The following ROS1 variants were observed in gnomAD, a reference collection of about 807,000 sequenced individuals.
ROS1 encodes proto-oncogene tyrosine-protein kinase ROS.
In ROS1, 263 loss-of-function variants were observed where a neutral mutation model predicts 273.5. The observed-to-expected ratio is 0.96, with a 90% CI of 0.87 to 1.06. The LOEUF (loss-of-function observed/expected upper bound fraction) is 1.06. Ranked by LOEUF, ROS1 falls within the 50% of genes least tolerant of loss-of-function variation. ROS1 has a pLI of 0.00. For missense variants in ROS1, 2,833 were observed against 2,751.1 expected, an observed-to-expected ratio of 1.03 and a Z score of -0.67; for synonymous variants, 1,008 against 954.1, an observed-to-expected ratio of 1.06 and a Z score of -1.04.
intron 40 of ROS1, 129 bp downstream of exon 40, chr6:117,310,891 A>T (rs1775492441): frequency 1.7e-6 from 1 of 579,284 alleles, no homozygotes; most frequent in Non-Finnish European, 3.0e-6. Context: ...TATAAGAGAG[A>T]CTTTTAATAG....
At chr6:117,316,692 G>A (rs1775943499) in intron 39 of ROS1, among the ~76,000 whole-genome samples, 1 of 152,106 alleles carries the variant, frequency 6.6e-6, no homozygotes, top group Admixed American at 6.6e-5. Flanking sequence ...ACGAAATCAA[G>A]AGCTCCGTTT....
intron 33 of ROS1, chr6:117,328,505 G>A (rs1382963847): frequency 2.8e-6 from 1 of 359,486 alleles, no homozygotes. Flanking sequence ...AAGGGCCAAG[G>A]GAATTCTCTA....
Position 117,403,141 on chromosome 6 carries a change from C to A in ROS1, c.602G>T (p.Gly201Val). 1 of 1,613,934 alleles carries A rather than the reference C, an allele frequency of 6.2e-7. No homozygotes were observed. The highest frequency in any genetic ancestry group is 8.5e-7 in the Non-Finnish European group (1 of 1,179,946). The stretch of plus-strand genomic sequence containing the variant: ...TAAGAAATGTGTGCACACCATACCT[C>A]CATGAGGATGAGTCCTGTAACTGGG... ...PSPSYRTHPH[G>V]VPETAPLIRN... The change falls in exon 7 of 44, where the codon GGA becomes GTA. Residue 201 changes from glycine (G) to valine (V), a missense_variant and splice_region_variant. Transcript: ENST00000368507.
intron 33 of ROS1, 39 bp from the exon 34 acceptor site, chr6:117,326,453 T>C (rs753551408): frequency 6.6e-6 from 8 of 1,203,012 alleles, no homozygotes; most frequent in African/African-American, 6.3e-5. Context: ...TACATGACAA[T>C]ATACCTGTTA....
intron 29 of ROS1, 131 bp downstream of exon 29, chr6:117,342,269 T>C: frequency 1.2e-6 from 1 of 857,390 alleles, no homozygotes; most frequent in African/African-American, 1.7e-5. Context: ...ACAAACACAT[T>C]TTTCTTATTA....
At chr6:117,306,892 A>G (rs555619036) in intron 42 of ROS1, among the ~76,000 whole-genome samples, 5 of 152,194 alleles carry the variant, frequency 3.3e-5, no homozygotes, top group African/African-American at 1.2e-4. Flanking sequence ...GGCTTGTTAG[A>G]GTCCTGCAGC....
intron 27 of ROS1, among the ~76,000 whole-genome samples, chr6:117,350,182 TAAC>T (rs1447978122): frequency 1.3e-5 from 2 of 152,128 alleles, no homozygotes; most frequent in East Asian, 3.8e-4. Flanking sequence ...GGTCTACTGA[TAAC>T]AAATTCTCTC....
chr6:117,398,351 A>T, intron 7 of ROS1, among the ~76,000 whole-genome samples: 1 of 152,258 alleles, frequency 6.6e-6, no homozygotes, highest in East Asian at 1.9e-4. Flanking sequence ...TTGTTAAGAA[A>T]TTATTTTCTG....
chr6:117,308,889 A>G lies in ROS1; in HGVS notation c.6456T>C (p.Gly2152=), dbSNP rs2128546272. ...GILIWEILTL[G]HQPYPAHSNL... ...TGGAATGAGCTGGATAAGGCTGATGACCAAGAGTTAAAATCTCCCAAATCA... is the reference window on the plus strand; with the variant it reads ...TGGAATGAGCTGGATAAGGCTGATGGCCAAGAGTTAAAATCTCCCAAATCA... The change falls in exon 42 of 44, where the codon GGT becomes GGC. Residue 2152 remains glycine, a synonymous_variant. Coordinates refer to ENST00000368507, the MANE Select transcript of ROS1 (RefSeq NM_001378902.1). The G allele has an allele frequency of 6.2e-7, 1 of 1,613,412 alleles. No homozygotes were observed. The highest frequency in any genetic ancestry group is 8.5e-7 in the Non-Finnish European group (1 of 1,179,590).
Position 117,363,265 on chromosome 6 carries a change from A to C in ROS1, c.3104-400T>G, listed in dbSNP as rs114041880. Among the ~76,000 whole-genome samples, 893 of 152,298 alleles carry C rather than the reference A, an allele frequency of 5.9e-3. 9 individuals are homozygous for C. Among genetic ancestry groups the C allele is most frequent in the African/African-American group, 0.02 (832 of 41,572 alleles). ...GTCATCATCAGGATGGATGGCAGTA[A>C]GTCCCACCAGCCTTCAGCCAGTTCA... On this transcript the variant is annotated intron_variant, in intron 21 of 43. Coordinates refer to ENST00000368507, the MANE Select transcript of ROS1 (RefSeq NM_001378902.1).
intron 43 of ROS1, among the ~76,000 whole-genome samples, chr6:117,293,838 A>G (rs1774011919): frequency 6.6e-6 from 1 of 152,170 alleles, no homozygotes; most frequent in Admixed American, 6.5e-5. Context: ...TTTGAGCCTT[A>G]TTTGTTGCTT....
intron 27 of ROS1, among the ~76,000 whole-genome samples, chr6:117,348,983 T>C (rs750515820): frequency 1.2e-4 from 18 of 151,958 alleles, no homozygotes; most frequent in East Asian, 1.9e-4. Flanking sequence ...TTTGTTGAAG[T>C]GTATTTTATG....
chr6:117,412,487 A>T (rs1407185), intron 4 of ROS1, among the ~76,000 whole-genome samples: 81,675 of 151,832 alleles, frequency 0.54, 22,704 homozygotes, highest in African/African-American at 0.67. Flanking sequence ...CCAAGAAATA[A>T]GAATTGCAAA....
chr6:117,418,587 C>A, intron 1 of ROS1, 81 bp from the exon 2 acceptor site: 1 of 1,054,694 alleles, frequency 9.5e-7, no homozygotes, highest in East Asian at 2.8e-5. Context: ...AAAAAGCTTC[C>A]TGAAATAACG....
At chr6:117,344,017 G>T in intron 28 of ROS1, 43 bp downstream of exon 28, 1 of 1,503,148 alleles carries the variant, frequency 6.7e-7, no homozygotes, top group Non-Finnish European at 9.2e-7. Flanking sequence ...TATCAAAAAA[G>T]AACATCTTGT....
chr6:117,356,916 C>T lies in ROS1; in HGVS notation c.3840-1G>A, dbSNP rs1418845988. On this transcript the variant is annotated splice_acceptor_variant, in intron 25 of 43. Transcript: ENST00000368507. LOFTEE classifies it high-confidence loss of function. Reference sequence around the variant, plus strand: ...GGAAACTTCTGTCCAATACAAGCGACTATAGAGGAAAAAAAAGTCCCCCCA... The same window carrying T: ...GGAAACTTCTGTCCAATACAAGCGATTATAGAGGAAAAAAAAGTCCCCCCA... 2 of 1,599,764 alleles carry T rather than the reference C, an allele frequency of 1.3e-6. No individual in the cohort carries two copies. The highest frequency in any genetic ancestry group is 2.7e-5 in the African/African-American group (2 of 73,838).
At chr6:117,418,564 AAC>A in intron 1 of ROS1, 58 bp from the exon 2 acceptor site, 1 of 1,284,876 alleles carries the variant, frequency 7.8e-7, no homozygotes, top group Non-Finnish European at 1.1e-6. Flanking sequence ...CCGTGTAACT[AAC>A]ACACCTTTTA....
chr6:117,391,272 T>C (rs1773043955), intron 12 of ROS1, among the ~76,000 whole-genome samples: 1 of 152,238 alleles, frequency 6.6e-6, no homozygotes, highest in Non-Finnish European at 1.5e-5. Context: ...TCTGCTTTTG[T>C]TTCCTAAATT....
At chr6:117,418,612 T>A in intron 1 of ROS1, 106 bp from the exon 2 acceptor site, 1 of 714,544 alleles carries the variant, frequency 1.4e-6, no homozygotes, top group Non-Finnish European at 2.3e-6. Context: ...CTCCTCCGCA[T>A]TTTGTAACTC....
Sources: allele counts gnomAD v4.1 joint callset (sites outside exome capture counted in the v4.1 genomes callset), GRCh38; gene constraint gnomAD v4.1.1; transcripts MANE v1.5; gene names NCBI Gene and HGNC (gene_info 2026-07-23, HGNC 2026-07-21).